The following COL13A1 variants were observed in gnomAD, a reference collection of about 807,000 sequenced individuals.
COL13A1 encodes collagen type XIII alpha 1 chain.
In COL13A1, 89 loss-of-function variants were observed where a neutral mutation model predicts 130.9. That is an observed-to-expected ratio of 0.68 (90% CI 0.57 to 0.81). The LOEUF is 0.81. Ranked by LOEUF, COL13A1 falls within the 30% of genes least tolerant of loss-of-function variation. The pLI, the probability that COL13A1 is intolerant of heterozygous loss-of-function variation, is 0.00. For missense variants in COL13A1, 879 were observed against 934.6 expected, an observed-to-expected ratio of 0.94 and a Z score of 0.78; for synonymous variants, 402 against 341.6, an observed-to-expected ratio of 1.18 and a Z score of -1.95.
At chr10:69,937,907 G>T (rs2067149816) in intron 34 of COL13A1, among the ~76,000 whole-genome samples, 192 bp downstream of exon 34, 1 of 152,214 alleles carries the variant, frequency 6.6e-6, no homozygotes, top group Non-Finnish European at 1.5e-5. Flanking sequence ...GCCCCACCTT[G>T]GTGCTGGGGA....
At chr10:69,905,885 C>T (rs1589428179) in intron 17 of COL13A1, 63 bp downstream of exon 17, 1 of 1,569,512 alleles carries the variant, frequency 6.4e-7, no homozygotes, top group East Asian at 2.3e-5. Context: ...GCCTACTGGA[C>T]CTCAGACCCA....
chr10:69,840,903 G>T (rs1053203193), intron 2 of COL13A1, among the ~76,000 whole-genome samples: 1 of 151,994 alleles, frequency 6.6e-6, no homozygotes, highest in African/African-American at 2.4e-5. Context: ...TCAGAACCCC[G>T]GGCGCCAGAG....
intron 2 of COL13A1, among the ~76,000 whole-genome samples, chr10:69,835,179 C>G (rs1849727614): frequency 6.6e-6 from 1 of 152,154 alleles, no homozygotes; most frequent in African/African-American, 2.4e-5. Context: ...CTGCCCTAGA[C>G]CCAGTGGAGG....
At chr10:69,848,832 C>A (rs149769875) in intron 2 of COL13A1, among the ~76,000 whole-genome samples, 2 of 152,316 alleles carry the variant, frequency 1.3e-5, no homozygotes, top group East Asian at 3.9e-4. Context: ...GCCTAAGAGT[C>A]CCCTCCACAA....
intron 1 of COL13A1, among the ~76,000 whole-genome samples, chr10:69,821,884 G>T (rs1485269038): frequency 6.6e-6 from 1 of 152,148 alleles, no homozygotes; most frequent in Admixed American, 6.5e-5. Context: ...GAAGATATTT[G>T]GTGGAGGGGT....
intron 2 of COL13A1, among the ~76,000 whole-genome samples, chr10:69,852,791 G>A (rs758531640): frequency 6.6e-5 from 10 of 152,220 alleles, no homozygotes; most frequent in East Asian, 1.9e-4. Flanking sequence ...AATGGACCTC[G>A]CTGGGCAAAA....
chr10:69,949,956 TTGTGTGTGCGTGTG>T, intron 38 of COL13A1, among the ~76,000 whole-genome samples: 1 of 139,936 alleles, frequency 7.1e-6, no homozygotes, highest in Non-Finnish European at 1.6e-5. Flanking sequence ...GTGCGTGTGT[TTGTGTGTGCGTGTG>T]TGTGTGTGTG....
intron 2 of COL13A1, among the ~76,000 whole-genome samples, chr10:69,835,140 T>A (rs1321521641): frequency 6.6e-6 from 1 of 152,122 alleles, no homozygotes; most frequent in African/African-American, 2.4e-5. Flanking sequence ...GTGCAGCTTG[T>A]CCCAGGCTGC....
intron 10 of COL13A1, among the ~76,000 whole-genome samples, chr10:69,889,641 T>G (rs1388770631): frequency 6.6e-6 from 1 of 152,210 alleles, no homozygotes; most frequent in Non-Finnish European, 1.5e-5. Flanking sequence ...GGCTTCTCCA[T>G]CTGAAGCATG....
chr10:69,802,196 T>A lies in COL13A1; in HGVS notation c.-228T>A. The A allele has an allele frequency of 2.0e-6, 1 of 492,496 alleles. No individual in the cohort carries two copies. The highest frequency in any genetic ancestry group is 3.4e-6 in the Non-Finnish European group (1 of 292,328). The allele number at this position is 492,496 out of a possible 1,614,324, so 30.5% of individuals were successfully genotyped here. A position where few individuals can be genotyped will look rare whatever the true frequency, so the allele number is the denominator to read the frequency against. The stretch of plus-strand genomic sequence containing the variant: ...GACTTGGAACGTTCTTCGAAATAAC[T>A]TTTTTCTCACCTAGGTGTACCCCAA... On this transcript the variant is annotated 5_prime_UTR_variant, in exon 1 of 41. Transcript: ENST00000645393.
chr10:69,854,717 A>T (rs528076280), intron 2 of COL13A1, among the ~76,000 whole-genome samples: 1 of 152,216 alleles, frequency 6.6e-6, no homozygotes, highest in Admixed American at 6.5e-5. Context: ...GCTGTGATTG[A>T]TTGGTTGTGG....
intron 35 of COL13A1, among the ~76,000 whole-genome samples, chr10:69,943,744 C>G (rs914102084): frequency 6.6e-6 from 1 of 152,190 alleles, no homozygotes; most frequent in Non-Finnish European, 1.5e-5. Context: ...GACCCTCCCG[C>G]TGCATGTGGA....
intron 5 of COL13A1, among the ~76,000 whole-genome samples, chr10:69,876,239 C>G (rs1179984737): frequency 2.6e-5 from 4 of 152,202 alleles, no homozygotes; most frequent in African/African-American, 7.2e-5. Context: ...AACTGTCCTT[C>G]CCAAGGTCGC....
intron 40 of COL13A1, among the ~76,000 whole-genome samples, chr10:69,957,268 C>T (rs2070923724): frequency 1.3e-5 from 2 of 152,222 alleles, no homozygotes; most frequent in Admixed American, 6.5e-5. Context: ...AATGTCCATG[C>T]AGCCACACAG....
At chr10:69,809,841 A>G (rs1842489099) in intron 1 of COL13A1, among the ~76,000 whole-genome samples, 1 of 152,232 alleles carries the variant, frequency 6.6e-6, no homozygotes, top group South Asian at 2.1e-4. Flanking sequence ...GCCCTTGTCC[A>G]GTCTTGGCCT....
chr10:69,842,195 C>T (rs1250708291), intron 2 of COL13A1, among the ~76,000 whole-genome samples: 2 of 152,140 alleles, frequency 1.3e-5, no homozygotes, highest in Admixed American at 6.5e-5. Context: ...GAATAAGTCT[C>T]GTGAGATCTG....
At chr10:69,814,000 G>A (rs999310549) in intron 1 of COL13A1, among the ~76,000 whole-genome samples, 3 of 152,184 alleles carry the variant, frequency 2.0e-5, no homozygotes, top group Non-Finnish European at 2.9e-5. Flanking sequence ...TAAGTAATTC[G>A]GTTGGAGTGT....
intron 2 of COL13A1, among the ~76,000 whole-genome samples, chr10:69,867,119 T>C (rs1189705767): frequency 6.6e-6 from 1 of 152,160 alleles, no homozygotes; most frequent in Non-Finnish European, 1.5e-5. Flanking sequence ...ATAGGGCTGC[T>C]GCTGCGGCCG....
intron 28 of COL13A1, among the ~76,000 whole-genome samples, chr10:69,929,686 AG>A (rs111232137): frequency 0.023 from 3,532 of 152,280 alleles, 157 homozygotes; most frequent in African/African-American, 0.081. Context: ...TTCTGCATTC[AG>A]GGGAGACAGG....
Sources: allele counts gnomAD v4.1 joint callset (sites outside exome capture counted in the v4.1 genomes callset), GRCh38; gene constraint gnomAD v4.1.1; transcripts MANE v1.5; gene names NCBI Gene and HGNC (gene_info 2026-07-23, HGNC 2026-07-21).